LRRC7: variants seen among roughly 807,000 people sequenced by gnomAD.
LRRC7 encodes leucine-rich repeat-containing protein 7.
A neutral mutation model predicts 175.7 loss-of-function variants in LRRC7; 23 were observed. That is an observed-to-expected ratio of 0.13 (90% CI 0.09 to 0.19). LRRC7 has a LOEUF of 0.19. LRRC7 is among the 10% of genes least tolerant of loss of function. LRRC7 has a pLI of 1.00. For missense variants in LRRC7, 1,354 were observed against 1,904.7 expected, an observed-to-expected ratio of 0.71 and a Z score of 5.38; for synonymous variants, 685 against 680.9, an observed-to-expected ratio of 1.01 and a Z score of -0.09.
intron 2 of LRRC7, among the ~76,000 whole-genome samples, chr1:69,717,698 A>G (rs1665534294): frequency 1.3e-5 from 2 of 150,326 alleles, no homozygotes; most frequent in African/African-American, 2.4e-5. Context: ...ATAATAGTCA[A>G]TATTAGCTTT....
At position 69,667,957 on chromosome 1, in the gene LRRC7, A is replaced by AT. The variant is rs1288525296; in HGVS notation, c.3-10418dup. Among the ~76,000 whole-genome samples the AT allele has an allele frequency of 2.7e-5, 4 of 150,666 alleles. No individual in the cohort carries two copies. In the East Asian group the frequency reaches 7.8e-4, roughly 29 times the overall value. Reference sequence around the variant, plus strand: ...GATATTATTTAATTCATTGCTTTTTATTTTTTGTGTACCCATTGTATGTTT... The same window carrying AT: ...GATATTATTTAATTCATTGCTTTTTATTTTTTTGTGTACCCATTGTATGTTT... On this transcript the variant is annotated intron_variant, in intron 1 of 26. Transcript: ENST00000651989.
intron 1 of LRRC7, among the ~76,000 whole-genome samples, chr1:69,570,392 G>C (rs1016136079): frequency 6.6e-6 from 1 of 152,098 alleles, no homozygotes; most frequent in Non-Finnish European, 1.5e-5. Context: ...TGCGTGAACG[G>C]TTTGAAAGCT....
intron 10 of LRRC7, 110 bp downstream of exon 10, chr1:69,986,496 A>T (rs1004013558): frequency 1.5e-5 from 12 of 805,718 alleles, no homozygotes; most frequent in Non-Finnish European, 1.9e-5. Flanking sequence ...TCTGATGTTA[A>T]TAAATTTTAA....
intron 2 of LRRC7, among the ~76,000 whole-genome samples, chr1:69,688,833 G>A (rs546808827): frequency 2.6e-5 from 4 of 152,212 alleles, no homozygotes; most frequent in African/African-American, 9.6e-5. Context: ...AGTAATCTCA[G>A]ATTTTGTATT....
At chr1:69,687,940 G>A (rs543687809) in intron 2 of LRRC7, among the ~76,000 whole-genome samples, 1 of 152,258 alleles carries the variant, frequency 6.6e-6, no homozygotes, top group African/African-American at 2.4e-5. Flanking sequence ...TTTATAACCT[G>A]CCATTATTAT....
At chr1:70,092,584 A>G (rs1457358365) in intron 25 of LRRC7, among the ~76,000 whole-genome samples, 1 of 152,134 alleles carries the variant, frequency 6.6e-6, no homozygotes, top group African/African-American at 2.4e-5. Context: ...GATGGAAACT[A>G]GTTTCAGGGA....
At position 69,594,984 on chromosome 1, in the gene LRRC7, C is replaced by T. The variant is rs148323534; in HGVS notation, c.2+26343C>T. ...TTAACATACATAGAAGATGACATTA[C>T]TATACCTAGTGTTTTGTAAAAATGA... On this transcript the variant is annotated intron_variant, in intron 1 of 26. Transcript: ENST00000651989. 7.5e-4 allele frequency among the ~76,000 whole-genome samples: 114 copies of T among 151,922 alleles called. No individual in the cohort carries two copies. In the East Asian group the frequency reaches 0.014, roughly 19 times the overall value.
chr1:70,018,850 T>A (rs773858340), intron 15 of LRRC7, 32 bp downstream of exon 15: 12 of 1,481,128 alleles, frequency 8.1e-6, no homozygotes, highest in Non-Finnish European at 1.1e-5. Flanking sequence ...CTTCTCTACT[T>A]ATAATGATTA....
rs149738445 is a variant in LRRC7 at position 70,123,167 on chromosome 1, A to G, written c.*1280A>G. On this transcript the variant is annotated 3_prime_UTR_variant, in exon 27 of 27. Transcript: ENST00000651989. ...ACTATTTTCCTGCATAAATGATCAA[A>G]ATTTATTTTATAATCCTTTAAAATA... 3.7e-3 allele frequency: 566 copies of G among 152,612 alleles called. 5 individuals carry two copies. The highest frequency in any genetic ancestry group is 0.013 in the African/African-American group (539 of 41,570). The allele number at this position is 152,612 out of a possible 1,614,324, so 9.5% of individuals were successfully genotyped here.
chr1:70,025,249 C>T (rs1047372517), intron 17 of LRRC7, among the ~76,000 whole-genome samples: 61 of 148,650 alleles, frequency 4.1e-4, no homozygotes, highest in African/African-American at 1.5e-3. Context: ...AATAATTAAT[C>T]ATTTATTTTT....
intron 8 of LRRC7, among the ~76,000 whole-genome samples, chr1:69,978,932 G>GAAAAAAAAAAAAAAAAAAA (rs3069189): frequency 7.9e-6 from 1 of 126,146 alleles, no homozygotes; most frequent in African/African-American, 2.9e-5. Flanking sequence ...GTTTCAGTTA[G>GAAAAAAAAAAAAAAAAAAA]AAAAAAAAAA....
chr1:69,896,694 G>C (rs1303535059), intron 7 of LRRC7, among the ~76,000 whole-genome samples: 1 of 151,916 alleles, frequency 6.6e-6, no homozygotes, highest in Non-Finnish European at 1.5e-5. Flanking sequence ...TGCCTTTATA[G>C]CCTGCACTAT....
At chr1:69,692,625 C>G (rs547524453) in intron 2 of LRRC7, among the ~76,000 whole-genome samples, 1 of 152,268 alleles carries the variant, frequency 6.6e-6, no homozygotes, top group Non-Finnish European at 1.5e-5. Context: ...CAAATTGTGT[C>G]TTACATTATT....
chr1:69,973,688 C>T (rs752384129), intron 8 of LRRC7, among the ~76,000 whole-genome samples: 4 of 152,150 alleles, frequency 2.6e-5, no homozygotes, highest in African/African-American at 7.2e-5. Flanking sequence ...TAGGTTCAAG[C>T]GATCCTCCTG....
intron 4 of LRRC7, among the ~76,000 whole-genome samples, chr1:69,812,616 T>G (rs1479985829): frequency 6.6e-6 from 1 of 152,122 alleles, no homozygotes; most frequent in Admixed American, 6.6e-5. Flanking sequence ...ATAAACATGT[T>G]TCCTGTCTTT....
intron 2 of LRRC7, among the ~76,000 whole-genome samples, chr1:69,715,942 T>C (rs1178982516): frequency 6.6e-6 from 1 of 151,974 alleles, no homozygotes; most frequent in African/African-American, 2.4e-5. Context: ...TATTCCACCC[T>C]GGATTTATAT....
intron 3 of LRRC7, among the ~76,000 whole-genome samples, chr1:69,772,758 T>G (rs1672377655): frequency 6.6e-6 from 1 of 152,058 alleles, no homozygotes; most frequent in African/African-American, 2.4e-5. Flanking sequence ...GATAGGAGAT[T>G]AGGATCAGAA....
At position 70,122,197 on chromosome 1, in the gene LRRC7, C is replaced by T. The variant is rs778837760; in HGVS notation, c.*310C>T. 6.8e-5 allele frequency: 14 copies of T among 204,862 alleles called. No homozygotes were observed. Among genetic ancestry groups the T allele is most frequent in the Non-Finnish European group, 1.2e-4 (12 of 102,526 alleles). The allele number at this position is 204,862 out of a possible 1,614,324, so 12.7% of individuals were successfully genotyped here. A position where few individuals can be genotyped will look rare whatever the true frequency, so the allele number is the denominator to read the frequency against. On this transcript the variant is annotated 3_prime_UTR_variant, in exon 27 of 27. Coordinates refer to ENST00000651989, the MANE Select transcript of LRRC7 (RefSeq NM_001370785.2). ...ATGGATTTCATATAATTTCGGAGCA[C>T]GGAAGCACACACAAGCTCTTTATGA...
chr1:69,777,160 C>A (rs973919920), intron 3 of LRRC7, among the ~76,000 whole-genome samples: 4 of 152,130 alleles, frequency 2.6e-5, no homozygotes, highest in Admixed American at 6.5e-5. Flanking sequence ...TACAGAGGAA[C>A]CCTAACACTT....
Sources: allele counts gnomAD v4.1 joint callset (sites outside exome capture counted in the v4.1 genomes callset), GRCh38; gene constraint gnomAD v4.1.1; transcripts MANE v1.5; gene names NCBI Gene and HGNC (gene_info 2026-07-23, HGNC 2026-07-21).